The following CPS1 variants were observed in gnomAD, a reference collection of about 807,000 sequenced individuals.
CPS1 encodes carbamoyl-phosphate synthase 1.
CPS1 carries 109 observed loss-of-function variants against 174.6 expected under a neutral mutation model. That is an observed-to-expected ratio of 0.62 (90% CI 0.53 to 0.73). The LOEUF (loss-of-function observed/expected upper bound fraction) is 0.73, where lower values mean the gene tolerates loss of function less well. Ranked by LOEUF, CPS1 falls within the 30% of genes least tolerant of loss-of-function variation. CPS1 has a pLI of 0.00. For synonymous variants in CPS1, 637 were observed against 632.0 expected, an observed-to-expected ratio of 1.01 and a Z score of -0.12; for missense variants, 1,689 against 1,821.9, an observed-to-expected ratio of 0.93 and a Z score of 1.33.
chr2:210,538,435 G>C (rs1012624198), intron 1 of CPS1, among the ~76,000 whole-genome samples: 2 of 151,832 alleles, frequency 1.3e-5, no homozygotes, highest in African/African-American at 2.4e-5. Context: ...TTTTGTATTA[G>C]CTAAACTTAT....
intron 21 of CPS1, among the ~76,000 whole-genome samples, chr2:210,626,908 T>C (rs1332710434): frequency 6.6e-6 from 1 of 152,216 alleles, no homozygotes; most frequent in Non-Finnish European, 1.5e-5. Flanking sequence ...AAAATATCAC[T>C]ATCCTATTTT....
chr2:210,478,969 T>C (rs1213862592), intron 1 of CPS1, among the ~76,000 whole-genome samples: 1 of 133,742 alleles, frequency 7.5e-6, no homozygotes, highest in Non-Finnish European at 1.6e-5. Context: ...TTTCCTTCTC[T>C]TTCTTCCTTC....
At chr2:210,649,715 G>T (rs548747994) in intron 27 of CPS1, among the ~76,000 whole-genome samples, 3 of 152,114 alleles carry the variant, frequency 2.0e-5, no homozygotes, top group African/African-American at 7.2e-5. Flanking sequence ...TTTTATTTTT[G>T]CTTTCTGTTA....
rs2287598 is a variant in CPS1 at position 210,658,439 on chromosome 2, A to G, written c.3667-160A>G. 494,722 of 618,476 alleles carry G rather than the reference A, an allele frequency of 0.8. 200,725 individuals carry two copies. The highest frequency in any genetic ancestry group is 0.84 in the Non-Finnish European group (289,168 of 342,894). The allele number at this position is 618,476 out of a possible 1,614,324, so 38.3% of individuals were successfully genotyped here. A position where few individuals can be genotyped will look rare whatever the true frequency, so the allele number is the denominator to read the frequency against. On this transcript the variant is annotated intron_variant, in intron 30 of 37. Transcript: ENST00000233072. The stretch of plus-strand genomic sequence containing the variant: ...ATTGCATATTATTTTGTTAATAGAA[A>G]CCTAATAGTGCCCTCCATTATAATT...
chr2:210,556,304 C>T (rs904441395), upstream of CPS1: 1 of 456,958 alleles, frequency 2.2e-6, no homozygotes, highest in Non-Finnish European at 4.4e-6. Context: ...TTAGGTATCA[C>T]ATGTGACATA....
intron 1 of CPS1, among the ~76,000 whole-genome samples, chr2:210,559,994 T>G (rs1310464179): frequency 6.6e-6 from 1 of 152,100 alleles, no homozygotes; most frequent in African/African-American, 2.4e-5. Context: ...AAAGAGTCCT[T>G]ATGTTTTTTA....
intron 1 of CPS1, among the ~76,000 whole-genome samples, chr2:210,511,213 G>A (rs1695480616): frequency 2.0e-5 from 3 of 152,100 alleles, no homozygotes; most frequent in South Asian, 4.1e-4. Context: ...AAAAAATGAT[G>A]AGTTCATGTC....
intron 1 of CPS1, among the ~76,000 whole-genome samples, chr2:210,479,329 CT>C (rs11299389): frequency 0.35 from 43,170 of 121,904 alleles, 6,057 homozygotes; most frequent in East Asian, 0.5. Context: ...ATCATTCTTT[CT>C]TTTTTTTTTT....
At chr2:210,573,214 T>C (rs1697575041) in intron 1 of CPS1, 84 bp from the exon 2 acceptor site, 2 of 1,168,816 alleles carry the variant, frequency 1.7e-6, no homozygotes, top group Non-Finnish European at 2.6e-6. Context: ...CTTTATTTAA[T>C]ATGTCTGTGT....
intron 34 of CPS1, chr2:210,673,176 G>A (rs1159506545): frequency 6.6e-6 from 1 of 152,168 alleles, no homozygotes; most frequent in East Asian, 1.9e-4. Context: ...TTTTACAAGG[G>A]AAACCAACAA....
intron 3 of CPS1, among the ~76,000 whole-genome samples, chr2:210,576,740 T>C (rs1682583149): frequency 6.6e-6 from 1 of 152,128 alleles, no homozygotes; most frequent in African/African-American, 2.4e-5. Flanking sequence ...AAAAATGTTA[T>C]AAGTTCAAAT....
rs566662759 is a variant in CPS1, at chr2:210,541,920, C to T, written c.4-14799C>T. Among the ~76,000 whole-genome samples, 10 of 152,206 alleles carry T rather than the reference C, an allele frequency of 6.6e-5. No homozygotes were observed. The East Asian group carries it at 1.6e-3, about 24-fold the overall frequency. On this transcript the variant is annotated intron_variant, in intron 1 of 38. Transcript: ENST00000430249. ...AGTAAACCATCCCATTCCTATGCCACCCGTTTGATTTCAGTACCAACTGCT... is the reference window on the plus strand; with the variant it reads ...AGTAAACCATCCCATTCCTATGCCATCCGTTTGATTTCAGTACCAACTGCT...
In CPS1 at chr2:210,605,113, G is replaced by T; in HGVS notation, c.1848G>T (p.Met616Ile). ...TCACCAATTTCTAGGCCTTTGCTAT[G>T]ACCAACCAAATTCTGGTGGAGAAGT... ...LMDLSTKAFA[M>I]TNQILVEKSV... The change falls in exon 17 of 38, where the codon ATG (methionine) becomes ATT (isoleucine). Residue 616 changes from methionine to isoleucine, a missense_variant. Coordinates refer to ENST00000233072, the MANE Select transcript of CPS1 (RefSeq NM_001875.5). The T allele has an allele frequency of 6.2e-7, 1 of 1,611,782 alleles. No individual in the cohort carries two copies. Among genetic ancestry groups the T allele is most frequent in the South Asian group, 1.1e-5 (1 of 90,996 alleles).
rs959474286 is a variant in CPS1, at chr2:210,678,244, A to G, written c.*259A>G. On this transcript the variant is annotated 3_prime_UTR_variant, in exon 38 of 38. Transcript: ENST00000233072. The stretch of plus-strand genomic sequence containing the variant: ...TATTTTTGGTGGACTAGGCTTGCCT[A>G]TGTGCTTATGTGTAGCTTTTTACTT... The G allele has an allele frequency of 3.7e-5, 19 of 509,602 alleles. No homozygotes were observed. The highest frequency in any genetic ancestry group is 5.3e-5 in the Non-Finnish European group (15 of 280,928). The allele number at this position is 509,602 out of a possible 1,614,324, so 31.6% of individuals were successfully genotyped here. A position where few individuals can be genotyped will look rare whatever the true frequency, so the allele number is the denominator to read the frequency against.
At chr2:210,643,232 A>G (rs2105902438) in intron 25 of CPS1, among the ~76,000 whole-genome samples, 1 of 152,266 alleles carries the variant, frequency 6.6e-6, no homozygotes, top group East Asian at 1.9e-4. Context: ...TTGTTCCTCC[A>G]TTCCCATCCC....
At chr2:210,560,581 C>A (rs1460168139) in intron 1 of CPS1, among the ~76,000 whole-genome samples, 3 of 152,148 alleles carry the variant, frequency 2.0e-5, no homozygotes, top group Non-Finnish European at 4.4e-5. Context: ...TCTGATACTT[C>A]AGCTACGAAT....
chr2:210,582,048 G>T (rs139631192), intron 5 of CPS1, among the ~76,000 whole-genome samples: 88 of 152,202 alleles, frequency 5.8e-4, no homozygotes, highest in African/African-American at 2.0e-3. Context: ...TTTACAGAGG[G>T]TTGAACATTC....
intron 21 of CPS1, among the ~76,000 whole-genome samples, chr2:210,635,591 T>A (rs967699869): frequency 6.6e-6 from 1 of 152,188 alleles, no homozygotes; most frequent in African/African-American, 2.4e-5. Context: ...TTTTTCAATT[T>A]AAATAACCAC....
At chr2:210,497,893 C>CATAT (rs59178446) in intron 1 of CPS1, among the ~76,000 whole-genome samples, 4,073 of 86,874 alleles carry the variant, frequency 0.047, 333 homozygotes, top group African/African-American at 0.11. Flanking sequence ...TATATACATA[C>CATAT]ATATATATAT....
Sources: allele counts gnomAD v4.1 joint callset (sites outside exome capture counted in the v4.1 genomes callset), GRCh38; gene constraint gnomAD v4.1.1; transcripts MANE v1.5; gene names NCBI Gene and HGNC (gene_info 2026-07-23, HGNC 2026-07-21).